Variants in NOTCH1 observed in about 807,000 individuals in gnomAD.
NOTCH1 encodes neurogenic locus notch homolog protein 1.
A neutral mutation model predicts 254.8 loss-of-function variants in NOTCH1; 37 were observed. That is an observed-to-expected ratio of 0.15 (90% CI 0.11 to 0.19). The LOEUF is 0.19. Among genes scored for constraint, NOTCH1 ranks in the 10% least tolerant of loss-of-function variants. The pLI is 1.00. For synonymous variants in NOTCH1, 1,731 were observed against 1,618.1 expected (o/e 1.07, Z -1.68); for missense variants, 2,972 against 3,708.6 (o/e 0.80, Z 5.16).
Position 136,518,477 on chromosome 9 carries a change from G to C in NOTCH1, c.1099+114C>G. 3.5e-6 allele frequency: 4 copies of C among 1,137,326 alleles called. No individual in the cohort carries two copies. In the South Asian group the frequency reaches 5.3e-5, roughly 15 times the overall value. The allele number at this position is 1,137,326 out of a possible 1,614,324, so 70.5% of individuals were successfully genotyped here. A position where few individuals can be genotyped will look rare whatever the true frequency, so the allele number is the denominator to read the frequency against. On this transcript the variant is annotated intron_variant, in intron 6 of 33. Coordinates refer to ENST00000651671, the MANE Select transcript of NOTCH1 (RefSeq NM_017617.5). ...GACCACCGGCCTCCCTGACCAGAAAGGCCCTTTCAGGTTATCCTGGGTGCA... is the reference window on the plus strand; with the variant it reads ...GACCACCGGCCTCCCTGACCAGAAACGCCCTTTCAGGTTATCCTGGGTGCA...
chr9:136,505,221 C>A lies in NOTCH1; in HGVS notation c.4586+89G>T, dbSNP rs547622437. The A allele has an allele frequency of 1.4e-5, 21 of 1,524,936 alleles. No individual in the cohort carries two copies. The East Asian group carries it at 2.2e-4, about 16-fold the overall frequency. The allele number at this position is 1,524,936 out of a possible 1,614,324, so 94.5% of individuals were successfully genotyped here. On this transcript the variant is annotated intron_variant, in intron 25 of 33. Coordinates refer to ENST00000651671, the MANE Select transcript of NOTCH1 (RefSeq NM_017617.5). Reference sequence around the variant, plus strand: ...ACGTCCCTGCACCCCCTGAGCAGAGCCTTAGAACTGCATGCTGGCCTCCGG... The same window carrying A: ...ACGTCCCTGCACCCCCTGAGCAGAGACTTAGAACTGCATGCTGGCCTCCGG...
rs1011153565 is a variant in NOTCH1, at chr9:136,497,490, G to A, written c.6249C>T (p.His2083=). The A allele has an allele frequency of 6.2e-7, 1 of 1,612,170 alleles. No homozygotes were observed. The highest frequency in any genetic ancestry group is 8.5e-7 in the Non-Finnish European group (1 of 1,179,770). The stretch of plus-strand genomic sequence containing the variant: ...GATCCGTGATGTCCCGGTTGGCAAA[G>A]TGGTCCAGCAGCACCTTGGCGGTCT... The part of the protein sequence containing the change: ...SYETAKVLLD[H]FANRDITDHM... Residue 2083 remains histidine, a synonymous_variant, in exon 34 of 34, where the codon CAC becomes CAT. Coordinates refer to ENST00000651671, the MANE Select transcript of NOTCH1 (RefSeq NM_017617.5).
intron 2 of NOTCH1, among the ~76,000 whole-genome samples, chr9:136,541,654 C>A (rs1422561076): frequency 3.3e-5 from 5 of 152,202 alleles, no homozygotes; most frequent in Admixed American, 1.3e-4. Flanking sequence ...AAGGCAGAGG[C>A]ACCTGAGGGG....
chr9:136,524,087 G>A (rs990467337), intron 2 of NOTCH1, 108 bp from the exon 3 acceptor site: 40 of 1,392,234 alleles, frequency 2.9e-5, no homozygotes, highest in South Asian at 1.4e-4. Context: ...CCCACACCCC[G>A]GGCACGGGCA....
chr9:136,520,346 C>T (rs1374207257), intron 4 of NOTCH1, among the ~76,000 whole-genome samples: 2 of 152,150 alleles, frequency 1.3e-5, no homozygotes, highest in African/African-American at 4.8e-5. Flanking sequence ...CCGCCACCAC[C>T]CCGTCCGTTC....
At chr9:136,515,854 TGA>T in intron 10 of NOTCH1, 125 bp downstream of exon 10, 2 of 462,750 alleles carry the variant, frequency 4.3e-6, no homozygotes, top group African/African-American at 1.2e-4. Flanking sequence ...GGATTGGGGC[TGA>T]GCTGTGCTCT....
At position 136,517,446 on chromosome 9, in the gene NOTCH1, C is replaced by A; in HGVS notation, c.1442-61G>T. On this transcript the variant is annotated intron_variant, in intron 8 of 33. Transcript: ENST00000651671. ...GGCCCCAGTGCCCCACTGGGCACAG[C>A]TGTGGACTTGGGACAGAAACGAACC... 2.5e-6 allele frequency: 3 copies of A among 1,203,566 alleles called. No homozygotes were observed. In the Admixed American group the frequency reaches 5.9e-5, roughly 24 times the overall value. The allele number at this position is 1,203,566 out of a possible 1,614,324, so 74.6% of individuals were successfully genotyped here.
intron 2 of NOTCH1, among the ~76,000 whole-genome samples, chr9:136,534,672 C>T (rs1288768694): frequency 1.3e-5 from 2 of 152,066 alleles, no homozygotes; most frequent in African/African-American, 4.8e-5. Flanking sequence ...GCATCTGGGC[C>T]TGGCCTGATC....
intron 4 of NOTCH1, among the ~76,000 whole-genome samples, chr9:136,522,316 C>G (rs928403934): frequency 1.3e-4 from 20 of 152,272 alleles, no homozygotes; most frequent in Non-Finnish European, 2.1e-4. Context: ...ATTTTTAGAG[C>G]TGCTGCAAAA....
intron 2 of NOTCH1, among the ~76,000 whole-genome samples, chr9:136,542,246 T>C (rs1008655467): frequency 1.3e-5 from 2 of 152,060 alleles, no homozygotes; most frequent in Non-Finnish European, 2.9e-5. Context: ...CCCCCAATTT[T>C]CCCAGCACGG....
chr9:136,519,720 GC>G, intron 4 of NOTCH1, 155 bp from the exon 5 acceptor site: 2 of 1,011,392 alleles, frequency 2.0e-6, no homozygotes, highest in Non-Finnish European at 3.1e-6. Flanking sequence ...TCACTCCAGT[GC>G]CCAGAGGGAC....
Position 136,515,180 on chromosome 9 carries a change from G to A in NOTCH1, c.2014+110C>T, listed in dbSNP as rs573186745. On this transcript the variant is annotated intron_variant, in intron 12 of 33. Transcript: ENST00000651671. ...TCTGCTGCAGACCACGGTCTGCCCA[G>A]GTGGGCAGCACCAAAGCCCTCACCC... The A allele has an allele frequency of 3.6e-5, 35 of 983,100 alleles. 2 individuals are homozygous for A. In the South Asian group the frequency reaches 4.7e-4, roughly 13 times the overall value. 60.9% of individuals were successfully genotyped at this position (983,100 alleles called of 1,614,324 possible).
rs1589069489 is a variant in NOTCH1, at chr9:136,519,431, C to T, written c.865+12G>A. 1 of 1,612,696 alleles carries T rather than the reference C, an allele frequency of 6.2e-7. No homozygotes were observed. Among genetic ancestry groups the T allele is most frequent in the Non-Finnish European group, 8.5e-7 (1 of 1,179,914 alleles). On this transcript the variant is annotated intron_variant, in intron 5 of 33. Transcript: ENST00000651671. ...CCCGGCTACCCCGCCCTGCGGCGACCCGTATACGCGCCTGTCCACTCTGGC... is the reference window on the plus strand; with the variant it reads ...CCCGGCTACCCCGCCCTGCGGCGACTCGTATACGCGCCTGTCCACTCTGGC...
intron 31 of NOTCH1, among the ~76,000 whole-genome samples, chr9:136,499,615 G>A (rs949869523): frequency 2.0e-5 from 3 of 152,220 alleles, no homozygotes; most frequent in Admixed American, 1.3e-4. Flanking sequence ...TCAGGAAGCC[G>A]GGCTCACGGC....
At chr9:136,539,867 G>A (rs1027018094) in intron 2 of NOTCH1, among the ~76,000 whole-genome samples, 5 of 152,012 alleles carry the variant, frequency 3.3e-5, no homozygotes, top group South Asian at 2.1e-4. Flanking sequence ...CTCCCAGGCC[G>A]GCTGCAGGGC....
chr9:136,499,994 C>T (rs1461985685), intron 31 of NOTCH1, among the ~76,000 whole-genome samples: 1 of 152,234 alleles, frequency 6.6e-6, no homozygotes, highest in Admixed American at 6.5e-5. Context: ...CCAGGGCCGC[C>T]TGGAGCCTGG....
chr9:136,544,182 A>C (rs1589084205), intron 1 of NOTCH1, 80 bp from the exon 2 acceptor site: 2 of 1,312,124 alleles, frequency 1.5e-6, no homozygotes, highest in Non-Finnish European at 2.1e-6. Context: ...GGGGGCGGGG[A>C]CCTGCACCCA....
chr9:136,533,750 C>T (rs1043448969), intron 2 of NOTCH1, among the ~76,000 whole-genome samples: 1 of 152,246 alleles, frequency 6.6e-6, no homozygotes, highest in East Asian at 1.9e-4. Flanking sequence ...CATGGGCCTA[C>T]AGCAGGGAAA....
chr9:136,509,156 C>A, intron 18 of NOTCH1, 85 bp from the exon 19 acceptor site: 1 of 1,317,634 alleles, frequency 7.6e-7, no homozygotes, highest in Non-Finnish European at 1.1e-6. Flanking sequence ...CAGCACCTCC[C>A]CTTCTGCTCA....
Sources: allele counts gnomAD v4.1 joint callset (sites outside exome capture counted in the v4.1 genomes callset), GRCh38; gene constraint gnomAD v4.1.1; transcripts MANE v1.5; gene names NCBI Gene and HGNC (gene_info 2026-07-23, HGNC 2026-07-21).